NKAIN2: variants seen among roughly 807,000 people sequenced by gnomAD.
NKAIN2 encodes the protein sodium/potassium-transporting ATPase subunit beta-1-interacting protein 2.
In NKAIN2, 14 loss-of-function variants were observed where a neutral mutation model predicts 32.6. The observed-to-expected ratio is 0.43, with a 90% CI of 0.28 to 0.67. NKAIN2 has a LOEUF of 0.67. Among genes scored for constraint, NKAIN2 ranks in the 30% least tolerant of loss-of-function variants. The probability of loss-of-function intolerance (pLI) is 0.17; values close to 1 mark genes in which losing one functional copy is unlikely to be tolerated. For synonymous variants in NKAIN2, 80 were observed against 87.2 expected, an observed-to-expected ratio of 0.92 and a Z score of 0.46; for missense variants, 198 against 258.3, an observed-to-expected ratio of 0.77 and a Z score of 1.60.
intron 3 of NKAIN2, among the ~76,000 whole-genome samples, chr6:124,550,083 G>A (rs1252504048): frequency 1.3e-5 from 2 of 152,104 alleles, no homozygotes; most frequent in Non-Finnish European, 2.9e-5. Context: ...GCATTCTAAT[G>A]CTAATTTCTA....
chr6:124,636,885 A>AT (rs1783791666), intron 3 of NKAIN2, among the ~76,000 whole-genome samples: 1 of 152,052 alleles, frequency 6.6e-6, no homozygotes, highest in South Asian at 2.1e-4. Context: ...CTAGCTAATT[A>AT]TACAAGGCCA....
intron 1 of NKAIN2, among the ~76,000 whole-genome samples, chr6:124,225,068 G>A (rs973596957): frequency 6.6e-6 from 1 of 151,978 alleles, no homozygotes; most frequent in Non-Finnish European, 1.5e-5. Flanking sequence ...TTTCATTCTA[G>A]AGATGTTTAT....
At position 124,230,584 on chromosome 6, in the gene NKAIN2, A is replaced by G. The variant is rs114212074; in HGVS notation, c.55-52421A>G. Among the ~76,000 whole-genome samples, 1,294 of 152,244 alleles carry G rather than the reference A, an allele frequency of 8.5e-3. 14 individuals carry two copies. The highest frequency in any genetic ancestry group is 0.028 in the African/African-American group (1,150 of 41,572). On this transcript the variant is annotated intron_variant, in intron 1 of 6. Coordinates refer to ENST00000368417, the MANE Select transcript of NKAIN2 (RefSeq NM_001040214.3). ...TTCATGGGATGGGCCCAGGGTCCCA[A>G]TGCTGTTTGCAGTCTAGGGACTTGG...
chr6:124,579,481 G>C (rs570763230), intron 3 of NKAIN2, among the ~76,000 whole-genome samples: 2 of 152,326 alleles, frequency 1.3e-5, no homozygotes, highest in Admixed American at 1.3e-4. Context: ...AGTCTCTTAA[G>C]AGCAGAATTG....
chr6:124,321,049 T>G (rs1037468312), intron 2 of NKAIN2, among the ~76,000 whole-genome samples: 2 of 152,188 alleles, frequency 1.3e-5, no homozygotes, highest in African/African-American at 4.8e-5. Context: ...CCACAGGACC[T>G]AACACAAATA....
chr6:124,158,909 C>T (rs777702673), intron 1 of NKAIN2, among the ~76,000 whole-genome samples: 1 of 152,112 alleles, frequency 6.6e-6, no homozygotes, highest in Non-Finnish European at 1.5e-5. Context: ...GTCACAGAGA[C>T]CTGATTATCT....
intron 4 of NKAIN2, among the ~76,000 whole-genome samples, chr6:124,688,785 A>G (rs112646854): frequency 0.019 from 2,867 of 152,182 alleles, 43 homozygotes; most frequent in Non-Finnish European, 0.031. Flanking sequence ...AGTTTTCTCC[A>G]TATCTTTTCA....
chr6:123,878,015 C>A (rs1773249800), intron 1 of NKAIN2, among the ~76,000 whole-genome samples: 1 of 152,034 alleles, frequency 6.6e-6, no homozygotes, highest in Non-Finnish European at 1.5e-5. Context: ...TCACCTGAGG[C>A]CGGGAGTTCA....
At chr6:124,577,243 A>G (rs1028956405) in intron 3 of NKAIN2, among the ~76,000 whole-genome samples, 5 of 152,146 alleles carry the variant, frequency 3.3e-5, no homozygotes, top group African/African-American at 9.7e-5. Flanking sequence ...AAGAACCAAA[A>G]TCAGGTGAGT....
At chr6:123,925,324 A>G (rs1775958779) in intron 1 of NKAIN2, among the ~76,000 whole-genome samples, 1 of 152,220 alleles carries the variant, frequency 6.6e-6, no homozygotes, top group South Asian at 2.1e-4. Context: ...TTAAGCTCCA[A>G]ATAAAAAGGC....
intron 3 of NKAIN2, among the ~76,000 whole-genome samples, chr6:124,593,653 C>T (rs920709834): frequency 1.1e-4 from 16 of 152,146 alleles, no homozygotes; most frequent in African/African-American, 3.9e-4. Flanking sequence ...GCTACAGGAA[C>T]CTACTCAAGG....
At chr6:124,144,026 A>G (rs954707955) in intron 1 of NKAIN2, among the ~76,000 whole-genome samples, 1 of 152,218 alleles carries the variant, frequency 6.6e-6, no homozygotes, top group African/African-American at 2.4e-5. Context: ...GAAAATTTAC[A>G]TATCATTATT....
chr6:124,372,822 A>G (rs989517978), intron 3 of NKAIN2, among the ~76,000 whole-genome samples: 3 of 114,862 alleles, frequency 2.6e-5, no homozygotes, highest in Non-Finnish European at 5.7e-5. Context: ...AATAATAGAT[A>G]TTTGTTAAAA....
intron 1 of NKAIN2, among the ~76,000 whole-genome samples, chr6:123,843,487 T>G (rs1379596895): frequency 6.6e-6 from 1 of 151,864 alleles, no homozygotes; most frequent in African/African-American, 2.4e-5. Flanking sequence ...GAGCTTGGGG[T>G]TTTTATGGGT....
intron 3 of NKAIN2, among the ~76,000 whole-genome samples, chr6:124,513,766 G>A (rs1161929185): frequency 6.6e-6 from 1 of 152,146 alleles, no homozygotes; most frequent in Admixed American, 6.5e-5. Context: ...CTGCTTTGGT[G>A]AGCTTTTGAG....
intron 3 of NKAIN2, among the ~76,000 whole-genome samples, chr6:124,407,809 C>A (rs1043046501): frequency 6.6e-6 from 1 of 151,048 alleles, no homozygotes; most frequent in South Asian, 2.1e-4. Flanking sequence ...TACAGTCCCA[C>A]CAACAGTGTA....
intron 3 of NKAIN2, among the ~76,000 whole-genome samples, chr6:124,445,078 T>G (rs1775835537): frequency 6.6e-6 from 1 of 152,038 alleles, no homozygotes; most frequent in Non-Finnish European, 1.5e-5. Flanking sequence ...TGAGTTTTAA[T>G]AACGAAACCT....
intron 1 of NKAIN2, among the ~76,000 whole-genome samples, chr6:124,101,568 G>A (rs531821924): frequency 4.0e-4 from 61 of 151,904 alleles, no homozygotes; most frequent in African/African-American, 1.4e-3. Context: ...GACAAAGCAG[G>A]GTTTTTTTTG....
chr6:123,938,531 TA>T (rs997755530), intron 1 of NKAIN2, among the ~76,000 whole-genome samples: 3 of 140,058 alleles, frequency 2.1e-5, no homozygotes, highest in Non-Finnish European at 4.6e-5. Context: ...TTATATATTA[TA>T]TTTTTTATAT....
Sources: allele counts gnomAD v4.1 joint callset (sites outside exome capture counted in the v4.1 genomes callset), GRCh38; gene constraint gnomAD v4.1.1; transcripts MANE v1.5; gene names NCBI Gene and HGNC (gene_info 2026-07-23, HGNC 2026-07-21).